The following ATP11B variants were observed in gnomAD, a reference collection of about 807,000 sequenced individuals.
The protein encoded by ATP11B is phospholipid-transporting ATPase IF.
A neutral mutation model predicts 157.8 loss-of-function variants in ATP11B; 81 were observed. The ratio of observed to expected loss-of-function variants is 0.51; its 90% CI spans 0.43 to 0.62. The LOEUF (loss-of-function observed/expected upper bound fraction) is 0.62, where lower values mean the gene tolerates loss of function less well. Ranked by LOEUF, ATP11B falls within the 20% of genes least tolerant of loss-of-function variation. The pLI is 0.00. For synonymous variants in ATP11B, 451 were observed against 469.4 expected (o/e 0.96, Z 0.51); for missense variants, 1,165 against 1,402.2 (o/e 0.83, Z 2.70).
In ATP11B at chr3:182,896,626, G is replaced by A. The variant is rs1192299790; in HGVS notation, c.2983-74G>A. 3.9e-6 allele frequency: 5 copies of A among 1,266,156 alleles called. No homozygotes were observed. In the East Asian group the frequency reaches 1.2e-4, roughly 29 times the overall value. 78.4% of individuals were successfully genotyped at this position (1,266,156 alleles called of 1,614,324 possible). On this transcript the variant is annotated intron_variant, in intron 25 of 29. Coordinates refer to ENST00000323116, the MANE Select transcript of ATP11B (RefSeq NM_014616.3). ...AATAATTCAAGGGATTTTTAGTAGA[G>A]AATTAAATGACTTTTTACCTGACAT...
chr3:182,830,267 G>C (rs992173793), intron 4 of ATP11B, among the ~76,000 whole-genome samples: 1 of 151,004 alleles, frequency 6.6e-6, no homozygotes, highest in African/African-American at 2.4e-5. Context: ...AGGCTGCCCT[G>C]AGCCGTGATT....
chr3:182,838,335 AT>A (rs1718721040), intron 7 of ATP11B, among the ~76,000 whole-genome samples: 1 of 151,966 alleles, frequency 6.6e-6, no homozygotes, highest in African/African-American at 2.4e-5. Flanking sequence ...TAAAATAATT[AT>A]TAAAAACCAG....
rs182932202 is a variant in ATP11B at position 182,887,312 on chromosome 3, G to C, written c.2716-274G>C. 1.8e-4 allele frequency among the ~76,000 whole-genome samples: 28 copies of C among 152,236 alleles called. No homozygotes were observed. In the East Asian group the frequency reaches 5.4e-3, roughly 29 times the overall value. On this transcript the variant is annotated intron_variant, in intron 23 of 29. Coordinates refer to ENST00000323116, the MANE Select transcript of ATP11B (RefSeq NM_014616.3). Reference sequence around the variant, plus strand: ...ATTACTTCACAGTGATCAAATTGTGGAGAACCTTGAAATGTTGATCTAACT... The same window carrying C: ...ATTACTTCACAGTGATCAAATTGTGCAGAACCTTGAAATGTTGATCTAACT...
Position 182,884,875 on chromosome 3 carries a change from C to G in ATP11B, c.2632C>G (p.Leu878Val). ...GHFYYIRIAT[L>V]VQYFFYKNVC... Reference sequence around the variant, plus strand: ...TTTTTATTATATTAGAATAGCTACCCTTGTACAGTATTTTTTTTATAAGGT... The same window carrying G: ...TTTTTATTATATTAGAATAGCTACCGTTGTACAGTATTTTTTTTATAAGGT... Residue 878 changes from leucine (L) to valine (V), a missense_variant, in exon 22 of 30, where the codon CTT becomes GTT. Transcript: ENST00000323116. The G allele has an allele frequency of 6.8e-7, 1 of 1,469,172 alleles. No homozygotes were observed. Among genetic ancestry groups the G allele is most frequent in the Non-Finnish European group, 9.3e-7 (1 of 1,079,324 alleles). The allele number at this position is 1,469,172 out of a possible 1,614,324, so 91.0% of individuals were successfully genotyped here.
At chr3:182,895,112 C>CAAAA (rs368282275) in intron 25 of ATP11B, among the ~76,000 whole-genome samples, 2 of 68,268 alleles carry the variant, frequency 2.9e-5, no homozygotes, top group Admixed American at 1.8e-4. Context: ...GACCCTGACT[C>CAAAA]AAAAAAAAAA....
chr3:182,831,394 C>T (rs1718129864), intron 4 of ATP11B, among the ~76,000 whole-genome samples: 1 of 152,132 alleles, frequency 6.6e-6, no homozygotes, highest in Non-Finnish European at 1.5e-5. Flanking sequence ...CTCTTACTCT[C>T]CTATGGTTTT....
chr3:182,814,741 A>C (rs1716871907), intron 1 of ATP11B, among the ~76,000 whole-genome samples: 1 of 152,124 alleles, frequency 6.6e-6, no homozygotes, highest in Admixed American at 6.5e-5. Flanking sequence ...CTGGGAAGTC[A>C]AGAGTGCAGT....
rs920135426 is a variant in ATP11B at position 182,889,271 on chromosome 3, T to G, written c.2844-139T>G. ...CAGTGGTTTATAAATTTGGATTTAT[T>G]TATTCTTTGTGCTAATATTTTCAAG... is the stretch of plus-strand genomic sequence containing the variant. On this transcript the variant is annotated intron_variant, in intron 24 of 29. Coordinates refer to ENST00000323116, the MANE Select transcript of ATP11B (RefSeq NM_014616.3). 6.0e-5 allele frequency: 37 copies of G among 617,084 alleles called. No individual in the cohort carries two copies. In the African/African-American group the frequency reaches 7.2e-4, roughly 12 times the overall value. The allele number at this position is 617,084 out of a possible 1,614,324, so 38.2% of individuals were successfully genotyped here. A position where few individuals can be genotyped will look rare whatever the true frequency, so the allele number is the denominator to read the frequency against.
Position 182,889,491 on chromosome 3 carries a change from C to T in ATP11B, c.2925C>T (p.Phe975=). 2 of 1,570,448 alleles carry T rather than the reference C, an allele frequency of 1.3e-6. No individual in the cohort carries two copies. The highest frequency in any genetic ancestry group is 1.7e-6 in the Non-Finnish European group (2 of 1,165,210). The change falls in exon 25 of 30, where the codon TTC becomes TTT. Residue 975 remains phenylalanine (F), a synonymous_variant. Coordinates refer to ENST00000323116, the MANE Select transcript of ATP11B (RefSeq NM_014616.3). ...TGGGCTTCAGTCATGCCTTTATTTT[C>T]TTTTTTGGATCCTATTTACTAATAG... ...TILGFSHAFI[F]FFGSYLLIGK...
chr3:182,854,853 A>T (rs1447859436), intron 10 of ATP11B, among the ~76,000 whole-genome samples: 2 of 151,978 alleles, frequency 1.3e-5, no homozygotes, highest in South Asian at 2.1e-4. Context: ...AATGGGCAAA[A>T]GGTGGAAGGT....
intron 28 of ATP11B, among the ~76,000 whole-genome samples, chr3:182,909,451 C>A (rs1281884266): frequency 6.6e-6 from 1 of 152,074 alleles, no homozygotes; most frequent in African/African-American, 2.4e-5. Context: ...GGTCTCACTC[C>A]CATTACTATG....
At chr3:182,842,021 C>A in intron 7 of ATP11B, 54 bp from the exon 8 acceptor site, 5 of 1,123,244 alleles carry the variant, frequency 4.5e-6, no homozygotes, top group East Asian at 2.5e-5. Flanking sequence ...AAAAAAACAG[C>A]CATTGATGTC....
chr3:182,844,712 AC>A, intron 8 of ATP11B: 1 of 190,058 alleles, frequency 5.3e-6, no homozygotes, highest in African/African-American at 2.4e-5. Context: ...TGCAAATCAT[AC>A]TATAGTTTAT....
At chr3:182,893,014 A>G (rs1228544930) in intron 25 of ATP11B, among the ~76,000 whole-genome samples, 1 of 152,208 alleles carries the variant, frequency 6.6e-6, no homozygotes, top group Non-Finnish European at 1.5e-5. Context: ...AAATTTGCCT[A>G]GCCCTTATCC....
intron 1 of ATP11B, among the ~76,000 whole-genome samples, chr3:182,797,117 T>C (rs1715663557): frequency 6.6e-6 from 1 of 152,242 alleles, no homozygotes; most frequent in Non-Finnish European, 1.5e-5. Flanking sequence ...AACCCTCTTT[T>C]CCAAGATAAC....
At chr3:182,851,411 G>A (rs962725212) in intron 10 of ATP11B, among the ~76,000 whole-genome samples, 3 of 151,160 alleles carry the variant, frequency 2.0e-5, no homozygotes, top group Admixed American at 1.3e-4. Flanking sequence ...AATTTCCTCC[G>A]TTTCTTCTCA....
chr3:182,845,000 T>TAA (rs1465630610), intron 8 of ATP11B, among the ~76,000 whole-genome samples: 1 of 114,190 alleles, frequency 8.8e-6, no homozygotes, highest in African/African-American at 3.8e-5. Context: ...TTTTATTTTT[T>TAA]TTTTTATTTT....
intron 28 of ATP11B, among the ~76,000 whole-genome samples, chr3:182,903,971 C>T (rs1724153022): frequency 6.6e-6 from 1 of 152,106 alleles, no homozygotes; most frequent in Non-Finnish European, 1.5e-5. Flanking sequence ...GAAAGGAGAT[C>T]ATAAATCAAA....
At chr3:182,831,710 C>A (rs756468038) in intron 4 of ATP11B, among the ~76,000 whole-genome samples, 8 of 152,174 alleles carry the variant, frequency 5.3e-5, no homozygotes, top group Non-Finnish European at 7.4e-5. Context: ...CAGATAATTG[C>A]ATTCTCAATT....
Sources: gnomAD v4.1 joint callset for allele counts (sites outside exome capture counted in the v4.1 genomes callset) on GRCh38, gnomAD v4.1.1 for gene constraint, MANE v1.5 for transcripts, NCBI Gene and HGNC (gene_info 2026-07-23, HGNC 2026-07-21) for gene names.